HEXD: variants seen among roughly 807,000 people sequenced by gnomAD.
The protein encoded by HEXD is hexosaminidase D, also known as N-acetyl-beta-galactosaminidase.
A neutral mutation model predicts 54.2 loss-of-function variants in HEXD; 47 were observed. The ratio of observed to expected loss-of-function variants is 0.87; its 90% confidence interval spans 0.69 to 1.11. The LOEUF (loss-of-function observed/expected upper bound fraction) is 1.11. Ranked by LOEUF, HEXD falls within the 50% of genes least tolerant of loss-of-function variation. The pLI, the probability that HEXD is intolerant of heterozygous loss-of-function variation, is 0.00. For synonymous variants in HEXD, 293 were observed against 287.6 expected, an observed-to-expected ratio of 1.02 and a Z score of -0.19; for missense variants, 576 against 649.2, an observed-to-expected ratio of 0.89 and a Z score of 1.23.
chr17:82,418,971 C>G (rs2053151480), intron 1 of HEXD, among the ~76,000 whole-genome samples: 1 of 152,228 alleles, frequency 6.6e-6, no homozygotes, highest in African/African-American at 2.4e-5. Flanking sequence ...TGCTGTGTTA[C>G]AGAGCCCTTA....
intron 6 of HEXD, among the ~76,000 whole-genome samples, chr17:82,436,246 G>C (rs1349577576): frequency 2.6e-5 from 4 of 152,248 alleles, no homozygotes; most frequent in African/African-American, 9.6e-5. Context: ...GCGCCTTTCT[G>C]GGCCAAGAGG....
chr17:82,418,390 C>G lies in HEXD; in HGVS notation c.-402C>G. ...GCCCTGTCCGCCGCCGCAGCGCGCG[C>G]CCTTCCCCTCCTCACCGCTACCTGC... On this transcript the variant is annotated 5_prime_UTR_variant, in exon 1 of 13. Coordinates refer to ENST00000327949, the MANE Select transcript of HEXD (RefSeq NM_001330542.2). The G allele has an allele frequency of 4.8e-6, 7 of 1,466,508 alleles. No individual in the cohort carries two copies. The highest frequency in any genetic ancestry group is 6.3e-6 in the Non-Finnish European group (7 of 1,110,462). 90.8% of individuals were successfully genotyped at this position (1,466,508 alleles called of 1,614,324 possible).
chr17:82,423,310 A>G (rs1338417838), intron 2 of HEXD: 3 of 152,164 alleles, frequency 2.0e-5, no homozygotes, highest in Admixed American at 1.3e-4. Context: ...GTGGCCTTCC[A>G]TGTCCGGCAG....
chr17:82,435,884 G>T lies in HEXD; in HGVS notation c.631+12G>T. The T allele has an allele frequency of 6.3e-7, 1 of 1,598,214 alleles. No individual in the cohort carries two copies. Among genetic ancestry groups the T allele is most frequent in the Non-Finnish European group, 8.5e-7 (1 of 1,173,604 alleles). ...GGACCAGCTCGCAGGTCGGCCAACA[G>T]GGCTGGGGGAGGGGGTGGGCCACTG... On this transcript the variant is annotated intron_variant, in intron 6 of 12. Transcript: ENST00000327949.
In HEXD at chr17:82,435,750, C is replaced by A. The variant is rs749879786; in HGVS notation, c.509C>A (p.Thr170Lys). 1.9e-6 allele frequency: 3 copies of A among 1,612,898 alleles called. No homozygotes were observed. In the African/African-American group the frequency reaches 4.0e-5, roughly 22 times the overall value. Residue 170 changes from threonine (T) to lysine (K), a missense_variant, in exon 6 of 13, where the codon ACG becomes AAG. Physicochemically the swap from Thr to Lys is moderately conservative, Grantham distance 78. Coordinates refer to ENST00000327949, the MANE Select transcript of HEXD (RefSeq NM_001330542.2). Reference protein sequence around the residue: ...RRWLQQEQNSTGKLCLSHMRA... With the variant: ...RRWLQQEQNSKGKLCLSHMRA... The stretch of plus-strand genomic sequence containing the variant: ...TGGCTACAGCAAGAGCAGAACAGCA[C>A]GGGGAAGTTGTGCCTGTCACACATG...
intron 4 of HEXD, 48 bp downstream of exon 4, chr17:82,428,693 G>C (rs559064958): frequency 6.5e-7 from 1 of 1,542,590 alleles, no homozygotes; most frequent in South Asian, 1.1e-5. Context: ...TGGGGTCCAG[G>C]GGCTGCAGGC....
intron 1 of HEXD, among the ~76,000 whole-genome samples, chr17:82,419,414 G>A (rs1035232331): frequency 1.3e-5 from 2 of 152,158 alleles, no homozygotes; most frequent in Non-Finnish European, 2.9e-5. Context: ...ATGTTTAGAG[G>A]CTTCTGCCCG....
chr17:82,435,412 T>C (rs548568834), intron 5 of HEXD, among the ~76,000 whole-genome samples: 78 of 152,352 alleles, frequency 5.1e-4, no homozygotes, highest in African/African-American at 1.8e-3. Flanking sequence ...TGCTGCCCTA[T>C]GCTGGTCCAT....
At chr17:82,431,140 C>T (rs1329744717) in intron 4 of HEXD, among the ~76,000 whole-genome samples, 1 of 149,220 alleles carries the variant, frequency 6.7e-6, no homozygotes, top group African/African-American at 2.5e-5. Flanking sequence ...GTAGCAGGGA[C>T]CACAGGTGCG....
intron 9 of HEXD, chr17:82,440,645 G>A (rs1567897401): frequency 1.7e-5 from 6 of 353,076 alleles, no homozygotes; most frequent in South Asian, 2.6e-5. Context: ...ATATTCCATC[G>A]ATTGTGTAAA....
At chr17:82,439,308 G>A (rs1411806493) in intron 8 of HEXD, 7 of 450,052 alleles carry the variant, frequency 1.6e-5, no homozygotes, top group Non-Finnish European at 2.1e-5. Context: ...TTTCTCAGAG[G>A]CCAGAGGTGC....
At position 82,437,333 on chromosome 17, in the gene HEXD, T is replaced by G; in HGVS notation, c.869T>G (p.Leu290Arg). 1 of 1,608,948 alleles carries G rather than the reference T, an allele frequency of 6.2e-7. No homozygotes were observed. The highest frequency in any genetic ancestry group is 1.1e-5 in the South Asian group (1 of 90,718). The change falls in exon 8 of 13, where the codon CTG (leucine) becomes CGG (arginine). Residue 290 changes from leucine (L) to arginine (R), a missense_variant. Leu to Arg is a moderately radical substitution (Grantham distance 102). Transcript: ENST00000327949. ...GCGGGCAGCGGGCCCACGGACTCAC[T>G]GCAGGGCATCATCCTGACCGGCTGG... The part of the protein sequence containing the change: ...QVAGSGPTDS[L>R]QGIILTGWQR...
At chr17:82,441,364 AG>A (rs2053953456) in intron 11 of HEXD, 98 bp downstream of exon 11, 2 of 978,138 alleles carry the variant, frequency 2.0e-6, no homozygotes, top group African/African-American at 5.8e-5. Context: ...GGTGCGGGTG[AG>A]GGGCAGGTGC....
In HEXD at chr17:82,419,749, G is replaced by A. The variant is rs1158269076; in HGVS notation, c.-51G>A. ...GATAACTCTTGATTTTCTCCACTAGGAAGAAGTCCCCAAGGAGACTTCGCC... is the reference window on the plus strand; with the variant it reads ...GATAACTCTTGATTTTCTCCACTAGAAAGAAGTCCCCAAGGAGACTTCGCC... On this transcript the variant is annotated splice_region_variant and 5_prime_UTR_variant, in exon 2 of 13. Coordinates refer to ENST00000327949, the MANE Select transcript of HEXD (RefSeq NM_001330542.2). 1 of 1,188,654 alleles carries A rather than the reference G, an allele frequency of 8.4e-7. No individual in the cohort carries two copies. Among genetic ancestry groups the A allele is most frequent in the Non-Finnish European group, 1.2e-6 (1 of 800,678 alleles). 73.6% of individuals were successfully genotyped at this position (1,188,654 alleles called of 1,614,324 possible). A position where few individuals can be genotyped will look rare whatever the true frequency, so the allele number is the denominator to read the frequency against.
At chr17:82,435,577 C>A in intron 5 of HEXD, 112 bp from the exon 6 acceptor site, 1 of 1,082,076 alleles carries the variant, frequency 9.2e-7, no homozygotes, top group Non-Finnish European at 1.3e-6. Flanking sequence ...CCCTCCCTGG[C>A]CTCCTCCCCA....
At chr17:82,429,480 C>T (rs989069904) in intron 4 of HEXD, among the ~76,000 whole-genome samples, 1 of 152,078 alleles carries the variant, frequency 6.6e-6, no homozygotes, top group African/African-American at 2.4e-5. Context: ...TCCCACAGCT[C>T]GGTCCTCCAG....
intron 2 of HEXD, among the ~76,000 whole-genome samples, chr17:82,423,989 C>T (rs549679972): frequency 6.6e-6 from 1 of 151,756 alleles, no homozygotes; most frequent in African/African-American, 2.4e-5. Context: ...CCTGCCCCGT[C>T]CCCCATGCCT....
chr17:82,440,067 G>C (rs1011272527), intron 9 of HEXD: 2 of 1,298,068 alleles, frequency 1.5e-6, no homozygotes, highest in Non-Finnish European at 2.0e-6. Context: ...GGGCTCAGGC[G>C]CCCGGCCCTG....
At chr17:82,432,896 T>C (rs923760994) in intron 4 of HEXD, among the ~76,000 whole-genome samples, 2 of 148,502 alleles carry the variant, frequency 1.3e-5, no homozygotes, top group African/African-American at 2.5e-5. Context: ...ACCCCGTCTC[T>C]ACTAAAACAA....
Sources: gnomAD v4.1 joint callset for allele counts (sites outside exome capture counted in the v4.1 genomes callset) on GRCh38, gnomAD v4.1.1 for gene constraint, MANE v1.5 for transcripts, NCBI Gene and HGNC (gene_info 2026-07-23, HGNC 2026-07-21) for gene names.